The following ZNF148 variants were observed in gnomAD, a reference collection of about 807,000 sequenced individuals.
ZNF148 encodes Beta-Enolase Repressor Factor-1.
ZNF148 carries 7 observed loss-of-function variants against 67.7 expected under a neutral mutation model. The observed-to-expected ratio is 0.10, with a 90% CI of 0.06 to 0.19. ZNF148 has a LOEUF of 0.19. ZNF148 is among the 10% of genes least tolerant of loss of function. The probability of loss-of-function intolerance (pLI) is 1.00; values close to 1 mark genes in which losing one functional copy is unlikely to be tolerated. For missense variants in ZNF148, 583 were observed against 947.1 expected, an observed-to-expected ratio of 0.62 and a Z score of 5.05; for synonymous variants, 333 against 330.7, an observed-to-expected ratio of 1.01 and a Z score of -0.08.
intron 1 of ZNF148, among the ~76,000 whole-genome samples, chr3:125,374,900 C>G (rs1311433147): frequency 6.6e-6 from 1 of 151,978 alleles, no homozygotes; most frequent in African/African-American, 2.4e-5. Context: ...CCAACCCACC[C>G]TCCGCGCCCT....
chr3:125,270,246 C>T (rs1457716071), intron 7 of ZNF148, among the ~76,000 whole-genome samples: 1 of 151,854 alleles, frequency 6.6e-6, no homozygotes, highest in Non-Finnish European at 1.5e-5. Flanking sequence ...GTGGCTCAGG[C>T]CTATAATCCC....
At chr3:125,358,019 C>T (rs1441012545) in intron 1 of ZNF148, among the ~76,000 whole-genome samples, 3 of 152,178 alleles carry the variant, frequency 2.0e-5, no homozygotes, top group Admixed American at 6.5e-5. Flanking sequence ...AAGTAACAAG[C>T]TTCATAAATC....
At chr3:125,301,341 A>G (rs1202937657) in intron 4 of ZNF148, among the ~76,000 whole-genome samples, 1 of 152,214 alleles carries the variant, frequency 6.6e-6, no homozygotes, top group Non-Finnish European at 1.5e-5. Flanking sequence ...AATAAAATTT[A>G]TTAAAATAAG....
intron 7 of ZNF148, among the ~76,000 whole-genome samples, chr3:125,269,595 TC>T (rs1937628584): frequency 6.6e-6 from 1 of 151,924 alleles, no homozygotes; most frequent in Non-Finnish European, 1.5e-5. Context: ...GACCCAGCAA[TC>T]CCATTACTGG....
At chr3:125,315,926 C>A (rs1402798137) in intron 3 of ZNF148, among the ~76,000 whole-genome samples, 1 of 152,086 alleles carries the variant, frequency 6.6e-6, no homozygotes, top group Non-Finnish European at 1.5e-5. Context: ...TATAGTCATC[C>A]TATTGTGCTA....
At chr3:125,351,235 A>C (rs1269588498) in intron 1 of ZNF148, among the ~76,000 whole-genome samples, 1 of 152,146 alleles carries the variant, frequency 6.6e-6, no homozygotes, top group South Asian at 2.1e-4. Flanking sequence ...ATTTAAAATT[A>C]GCCAGGCGTG....
chr3:125,292,207 G>C (rs971728394), intron 4 of ZNF148, among the ~76,000 whole-genome samples: 14 of 152,108 alleles, frequency 9.2e-5, no homozygotes, highest in Admixed American at 9.2e-4. Context: ...TGTGAATCAC[G>C]AACTATATCT....
At chr3:125,374,092 C>A (rs1359246786) in intron 1 of ZNF148, among the ~76,000 whole-genome samples, 1 of 152,192 alleles carries the variant, frequency 6.6e-6, no homozygotes, top group Non-Finnish European at 1.5e-5. Flanking sequence ...GGAATCCCCA[C>A]AGGCCAGACC....
intron 1 of ZNF148, among the ~76,000 whole-genome samples, chr3:125,358,257 G>A (rs181381043): frequency 3.9e-5 from 6 of 152,116 alleles, no homozygotes; most frequent in Non-Finnish European, 5.9e-5. Context: ...AGGTTGCAGT[G>A]AGGCGTGATA....
intron 7 of ZNF148, among the ~76,000 whole-genome samples, chr3:125,257,215 T>C (rs1011432863): frequency 2.0e-5 from 3 of 152,244 alleles, no homozygotes; most frequent in Admixed American, 6.5e-5. Context: ...TGAGAAACAC[T>C]GTATATGAAA....
At chr3:125,344,482 C>A in intron 1 of ZNF148, 2 of 1,129,184 alleles carry the variant, frequency 1.8e-6, no homozygotes, top group South Asian at 1.2e-5. Context: ...TCCCTTCCAC[C>A]AAAAAAATTC....
intron 5 of ZNF148, among the ~76,000 whole-genome samples, chr3:125,282,461 T>G (rs1383385960): frequency 6.6e-6 from 1 of 152,152 alleles, no homozygotes; most frequent in Non-Finnish European, 1.5e-5. Context: ...TCTTGCCCCT[T>G]GTCATTGCTA....
At chr3:125,243,818 G>A (rs575682187) in intron 7 of ZNF148, among the ~76,000 whole-genome samples, 28 of 152,224 alleles carry the variant, frequency 1.8e-4, no homozygotes, top group African/African-American at 5.8e-4. Context: ...GAACTACCAC[G>A]TCTGACCTGT....
intron 1 of ZNF148, among the ~76,000 whole-genome samples, chr3:125,368,984 C>T (rs1486517762): frequency 2.0e-5 from 3 of 146,634 alleles, no homozygotes; most frequent in South Asian, 4.3e-4. Flanking sequence ...CTCTTGGGCT[C>T]GGCGCAGTGG....
At chr3:125,337,839 T>G (rs933112533) in intron 1 of ZNF148, among the ~76,000 whole-genome samples, 3 of 152,082 alleles carry the variant, frequency 2.0e-5, no homozygotes, top group Non-Finnish European at 2.9e-5. Context: ...CAGCAGTTCA[T>G]GCCTATAATC....
In ZNF148 at chr3:125,232,707, C is replaced by T. The variant is rs1935908770; in HGVS notation, c.2019G>A (p.Lys673=). 1 of 1,613,860 alleles carries T rather than the reference C, an allele frequency of 6.2e-7. No individual in the cohort carries two copies. Among genetic ancestry groups the T allele is most frequent in the African/African-American group, 1.3e-5 (1 of 75,010 alleles). ...CACCAACTATTAGTCCAAAGTGGGA[C>T]TTATCTGGAGTTGTTCTTAGTGGAG... is the stretch of plus-strand genomic sequence containing the variant. ...MNSPLRTTPD[K]SHFGLIVGDS... is the part of the protein sequence containing the mutation. Residue 673 remains lysine, a synonymous_variant, in exon 9 of 9, where the codon AAG becomes AAA. Coordinates refer to ENST00000360647, the MANE Select transcript of ZNF148 (RefSeq NM_021964.3). The surrounding 1 kb of genome is among the most constrained non-coding windows in gnomAD (Gnocchi z 4.2).
chr3:125,263,748 AC>A (rs1383390573), intron 7 of ZNF148, among the ~76,000 whole-genome samples: 1 of 152,044 alleles, frequency 6.6e-6, no homozygotes, highest in Non-Finnish European at 1.5e-5. Context: ...TTTATTCCTG[AC>A]ACAGAACTCC....
At position 125,329,662 on chromosome 3, in the gene ZNF148, A is replaced by G. The variant is rs183255472; in HGVS notation, c.-153+1496T>C. 1.7e-3 allele frequency among the ~76,000 whole-genome samples: 263 copies of G among 152,064 alleles called. 2 individuals are homozygous for G. Among genetic ancestry groups the G allele is most frequent in the African/African-American group, 5.9e-3 (246 of 41,492 alleles). On this transcript the variant is annotated intron_variant, in intron 2 of 8. Transcript: ENST00000360647. ...CATGAGCGATCGCGCCTAGCCAGAT[A>G]TATTTTTAAATATGTGCAAAGGTGT...
At chr3:125,280,175 C>T (rs930453050) in intron 5 of ZNF148, among the ~76,000 whole-genome samples, 3 of 151,968 alleles carry the variant, frequency 2.0e-5, no homozygotes, top group African/African-American at 7.3e-5. Context: ...GGCATAAGTA[C>T]TGAATAAGAA....
Sources: gnomAD v4.1 joint callset for allele counts (sites outside exome capture counted in the v4.1 genomes callset) on GRCh38, gnomAD v4.1.1 for gene constraint, Gnocchi (gnomAD v3.1) non-coding constraint, MANE v1.5 for transcripts, NCBI Gene and HGNC (gene_info 2026-07-23, HGNC 2026-07-21) for gene names.